ADK: variants seen among roughly 807,000 people sequenced by gnomAD.
ADK encodes the protein adenosine kinase.
A neutral mutation model predicts 44.7 loss-of-function variants in ADK; 24 were observed. The observed-to-expected ratio is 0.54, with a 90% CI of 0.39 to 0.76. The LOEUF (loss-of-function observed/expected upper bound fraction) is 0.76, where lower values mean the gene tolerates loss of function less well. ADK is among the 30% of genes least tolerant of loss of function. The pLI is 0.00. For missense variants in ADK, 321 were observed against 425.1 expected (o/e 0.76, Z 2.15); for synonymous variants, 128 against 142.6 (o/e 0.90, Z 0.73).
At chr10:74,367,087 A>G (rs990556077) in intron 4 of ADK, among the ~76,000 whole-genome samples, 1 of 152,202 alleles carries the variant, frequency 6.6e-6, no homozygotes, top group African/African-American at 2.4e-5. Flanking sequence ...ACTCCATAAG[A>G]AAAATTTGCT....
At chr10:74,547,738 A>C (rs1849887947) in intron 7 of ADK, among the ~76,000 whole-genome samples, 1 of 152,018 alleles carries the variant, frequency 6.6e-6, no homozygotes. Flanking sequence ...GGCCCACCAC[A>C]ACCTCCACCT....
intron 9 of ADK, among the ~76,000 whole-genome samples, chr10:74,625,943 T>G (rs896035522): frequency 1.3e-5 from 2 of 152,178 alleles, no homozygotes; most frequent in Non-Finnish European, 2.9e-5. Flanking sequence ...GTGTAGTTGA[T>G]ACTAAATAAA....
chr10:74,249,300 A>G (rs193148043), intron 3 of ADK, among the ~76,000 whole-genome samples: 1 of 152,178 alleles, frequency 6.6e-6, no homozygotes, highest in Non-Finnish European at 1.5e-5. Flanking sequence ...TTTTATGACT[A>G]TAGAGTTGAA....
At chr10:74,638,509 T>C in intron 9 of ADK, among the ~76,000 whole-genome samples, 1 of 152,048 alleles carries the variant, frequency 6.6e-6, no homozygotes, top group East Asian at 1.9e-4. Flanking sequence ...ATATGGAAAT[T>C]AGCCAGGCAT....
intron 1 of ADK, among the ~76,000 whole-genome samples, chr10:74,186,751 G>A (rs1416012523): frequency 6.6e-6 from 1 of 152,096 alleles, no homozygotes; most frequent in African/African-American, 2.4e-5. Context: ...GATTACTTTT[G>A]TTCAATATAA....
intron 3 of ADK, among the ~76,000 whole-genome samples, chr10:74,229,265 G>A (rs1844657852): frequency 6.6e-6 from 1 of 152,060 alleles, no homozygotes; most frequent in Admixed American, 6.6e-5. Context: ...ATGATCTTTG[G>A]TGCAGTGTAA....
intron 3 of ADK, among the ~76,000 whole-genome samples, chr10:74,266,783 A>C (rs1438337455): frequency 6.6e-6 from 1 of 152,150 alleles, no homozygotes; most frequent in Non-Finnish European, 1.5e-5. Context: ...GTTGTATATA[A>C]AAAGGTATTT....
intron 9 of ADK, among the ~76,000 whole-genome samples, chr10:74,668,890 A>AT (rs1454931432): frequency 6.6e-6 from 1 of 151,934 alleles, no homozygotes; most frequent in East Asian, 1.9e-4. Flanking sequence ...CCCAAAAAAA[A>AT]GCAAAAAATT....
intron 4 of ADK, among the ~76,000 whole-genome samples, chr10:74,353,787 G>A (rs1842046006): frequency 6.6e-6 from 1 of 152,140 alleles, no homozygotes; most frequent in African/African-American, 2.4e-5. Context: ...AGAATGGCAT[G>A]AACACAGGAG....
At chr10:74,555,246 C>A (rs918258583) in intron 7 of ADK, among the ~76,000 whole-genome samples, 1 of 152,210 alleles carries the variant, frequency 6.6e-6, no homozygotes, top group Admixed American at 6.5e-5. Context: ...AGCAACAGAG[C>A]AAGACCTTGT....
chr10:74,680,117 A>G (rs1329718849), intron 10 of ADK, among the ~76,000 whole-genome samples: 3 of 152,098 alleles, frequency 2.0e-5, no homozygotes, highest in African/African-American at 4.8e-5. Context: ...GATCGAGACC[A>G]TCCTGGCTAA....
chr10:74,618,498 A>G (rs113177945), intron 9 of ADK, among the ~76,000 whole-genome samples: 42 of 152,248 alleles, frequency 2.8e-4, no homozygotes, highest in African/African-American at 9.9e-4. Context: ...CATGTTGGCC[A>G]GGCTGGTCAC....
intron 9 of ADK, among the ~76,000 whole-genome samples, chr10:74,644,781 G>A (rs1853998752): frequency 6.6e-6 from 1 of 152,054 alleles, no homozygotes; most frequent in South Asian, 2.1e-4. Flanking sequence ...CTCTTGCCTT[G>A]GCCTCCCAAA....
intron 9 of ADK, among the ~76,000 whole-genome samples, chr10:74,663,936 AT>A (rs1054713040): frequency 1.1e-4 from 17 of 152,104 alleles, no homozygotes; most frequent in African/African-American, 4.1e-4. Flanking sequence ...CCGGATTCTC[AT>A]TTTTTCCCTA....
At chr10:74,699,752 C>A (rs1258586464) in intron 10 of ADK, among the ~76,000 whole-genome samples, 2 of 152,234 alleles carry the variant, frequency 1.3e-5, no homozygotes, top group South Asian at 2.1e-4. Flanking sequence ...AAAATTAATT[C>A]ACAGAGAGAT....
intron 2 of ADK, among the ~76,000 whole-genome samples, chr10:74,212,561 G>C (rs991760109): frequency 6.6e-6 from 1 of 152,090 alleles, no homozygotes; most frequent in Admixed American, 6.6e-5. Flanking sequence ...GGTTATTAGG[G>C]TTCTTGTGAG....
chr10:74,389,459 A>G (rs947936213), intron 4 of ADK, among the ~76,000 whole-genome samples: 2 of 152,192 alleles, frequency 1.3e-5, no homozygotes, highest in Admixed American at 1.3e-4. Flanking sequence ...TTTAACAGAA[A>G]TCTTTGCAAA....
At chr10:74,464,666 T>A (rs553640415) in intron 6 of ADK, among the ~76,000 whole-genome samples, 1 of 152,296 alleles carries the variant, frequency 6.6e-6, no homozygotes, top group Non-Finnish European at 1.5e-5. Context: ...AAAAACTTTT[T>A]AATTATTTTT....
At chr10:74,655,234 G>A (rs904651068) in intron 9 of ADK, 2 of 398,134 alleles carry the variant, frequency 5.0e-6, no homozygotes, top group Middle Eastern at 5.1e-4. Context: ...CAGGTGCATG[G>A]ACAGGGATGA....
Sources: allele counts gnomAD v4.1 joint callset (sites outside exome capture counted in the v4.1 genomes callset), GRCh38; gene constraint gnomAD v4.1.1; transcripts MANE v1.5; gene names NCBI Gene and HGNC (gene_info 2026-07-23, HGNC 2026-07-21).